The following FERMT2 variants were observed in gnomAD, a reference collection of about 807,000 sequenced individuals.
The protein encoded by FERMT2 is fermitin family homolog 2.
FERMT2 carries 15 observed loss-of-function variants against 82.7 expected under a neutral mutation model. The ratio of observed to expected loss-of-function variants is 0.18; its 90% confidence interval spans 0.12 to 0.28. FERMT2 has a LOEUF of 0.28. Among genes scored for constraint, FERMT2 ranks in the 10% least tolerant of loss-of-function variants. The pLI is 1.00. For missense variants in FERMT2, 645 were observed against 809.4 expected, an observed-to-expected ratio of 0.80 and a Z score of 2.46; for synonymous variants, 274 against 271.5, an observed-to-expected ratio of 1.01 and a Z score of -0.09.
intron 2 of FERMT2, among the ~76,000 whole-genome samples, chr14:52,932,613 T>A (rs1003887317): frequency 6.6e-6 from 1 of 151,950 alleles, no homozygotes; most frequent in Non-Finnish European, 1.5e-5. Context: ...TTAAGAAAAA[T>A]AATAACAATA....
chr14:52,894,071 G>A (rs748728683), intron 3 of FERMT2, among the ~76,000 whole-genome samples: 2 of 152,070 alleles, frequency 1.3e-5, no homozygotes, highest in Admixed American at 6.5e-5. Context: ...CAGGTGATCC[G>A]CCTGCCTCGG....
At chr14:52,879,522 C>T (rs923515778) in intron 6 of FERMT2, among the ~76,000 whole-genome samples, 6 of 152,042 alleles carry the variant, frequency 3.9e-5, no homozygotes, top group African/African-American at 1.4e-4. Context: ...TATTTTAGAA[C>T]GTTGACAAAA....
chr14:52,922,968 C>T (rs1423335659), intron 2 of FERMT2, among the ~76,000 whole-genome samples: 3 of 152,186 alleles, frequency 2.0e-5, no homozygotes, highest in Admixed American at 1.3e-4. Context: ...GCCTACTACA[C>T]ACCTAGGTTA....
chr14:52,918,982 T>G, intron 3 of FERMT2, 141 bp downstream of exon 3: 1 of 521,874 alleles, frequency 1.9e-6, no homozygotes, highest in Non-Finnish European at 3.4e-6. Context: ...ATAAAAACTT[T>G]AATGAAGTAG....
intron 3 of FERMT2, among the ~76,000 whole-genome samples, chr14:52,900,189 G>A (rs1449335618): frequency 3.3e-5 from 5 of 151,608 alleles, no homozygotes; most frequent in Admixed American, 6.6e-5. Flanking sequence ...ACAGGTCACA[G>A]CAGCCTCGAC....
intron 3 of FERMT2, among the ~76,000 whole-genome samples, chr14:52,911,162 T>C (rs1173064205): frequency 1.3e-5 from 2 of 152,226 alleles, no homozygotes; most frequent in Non-Finnish European, 2.9e-5. Flanking sequence ...CTCTACTCAA[T>C]ACTGCTGCTA....
At chr14:52,945,550 G>A (rs918046150) in intron 2 of FERMT2, among the ~76,000 whole-genome samples, 5 of 151,906 alleles carry the variant, frequency 3.3e-5, no homozygotes, top group African/African-American at 9.7e-5. Flanking sequence ...CACCACTCCC[G>A]GCCTAATCCT....
At chr14:52,946,108 C>A (rs1890342171) in intron 2 of FERMT2, among the ~76,000 whole-genome samples, 1 of 152,292 alleles carries the variant, frequency 6.6e-6, no homozygotes, top group East Asian at 1.9e-4. Flanking sequence ...AGCTCCTAAC[C>A]TTCTGATCTG....
At chr14:52,933,903 T>C (rs1014974566) in intron 2 of FERMT2, among the ~76,000 whole-genome samples, 1 of 152,106 alleles carries the variant, frequency 6.6e-6, no homozygotes, top group Admixed American at 6.5e-5. Flanking sequence ...AAGCTGGTGT[T>C]TCAGATCTCC....
At chr14:52,910,999 T>C (rs143642579) in intron 3 of FERMT2, among the ~76,000 whole-genome samples, 2,670 of 152,276 alleles carry the variant, frequency 0.018, 59 homozygotes, top group Non-Finnish European at 0.021. Context: ...GAAAAAACCC[T>C]AATTATTCCT....
chr14:52,906,382 T>C (rs1301820567), intron 3 of FERMT2, among the ~76,000 whole-genome samples: 2 of 152,178 alleles, frequency 1.3e-5, no homozygotes, highest in East Asian at 3.8e-4. Flanking sequence ...GCTAAATTAG[T>C]GCTAAGGCTA....
chr14:52,879,605 T>C (rs1258425623), intron 6 of FERMT2, among the ~76,000 whole-genome samples: 1 of 152,158 alleles, frequency 6.6e-6, no homozygotes, highest in Admixed American at 6.6e-5. Flanking sequence ...AGGTATGATG[T>C]GGCCTGAAAA....
At chr14:52,884,201 G>A (rs922380530) in intron 4 of FERMT2, among the ~76,000 whole-genome samples, 4 of 152,152 alleles carry the variant, frequency 2.6e-5, no homozygotes, top group African/African-American at 4.8e-5. Context: ...CTCACTTAGC[G>A]TTCACAACAA....
intron 3 of FERMT2, among the ~76,000 whole-genome samples, chr14:52,910,140 C>CA (rs1484002419): frequency 6.6e-6 from 1 of 152,150 alleles, no homozygotes; most frequent in African/African-American, 2.4e-5. Context: ...TCCTTATGTA[C>CA]AGCTTAATTT....
chr14:52,914,415 A>G (rs1174503635), intron 3 of FERMT2, among the ~76,000 whole-genome samples: 2 of 104,390 alleles, frequency 1.9e-5, no homozygotes, highest in Non-Finnish European at 4.4e-5. Flanking sequence ...TCCCCCCAAA[A>G]CAACAACAAA....
chr14:52,926,604 G>C (rs1889289640), intron 2 of FERMT2, among the ~76,000 whole-genome samples: 1 of 152,034 alleles, frequency 6.6e-6, no homozygotes, highest in Non-Finnish European at 1.5e-5. Flanking sequence ...TTATCCTCCA[G>C]GTACAGGCCA....
chr14:52,911,616 A>T (rs1182758684), intron 3 of FERMT2, among the ~76,000 whole-genome samples: 1 of 151,826 alleles, frequency 6.6e-6, no homozygotes, highest in Admixed American at 6.6e-5. Context: ...GCGCCACTGC[A>T]GTCCAACCTG....
chr14:52,907,900 C>T (rs939165513), intron 3 of FERMT2, among the ~76,000 whole-genome samples: 6 of 152,094 alleles, frequency 3.9e-5, no homozygotes, highest in African/African-American at 1.2e-4. Context: ...TTAGAAAACA[C>T]TGTTAATGAA....
intron 4 of FERMT2, among the ~76,000 whole-genome samples, chr14:52,890,635 G>C (rs1478018210): frequency 7.5e-6 from 1 of 133,674 alleles, no homozygotes; most frequent in Non-Finnish European, 1.6e-5. Flanking sequence ...ACAGAGTCTT[G>C]CTCTGTCGCC....
Sources: gnomAD v4.1 joint callset for allele counts (sites outside exome capture counted in the v4.1 genomes callset) on GRCh38, gnomAD v4.1.1 for gene constraint, MANE v1.5 for transcripts, NCBI Gene and HGNC (gene_info 2026-07-23, HGNC 2026-07-21) for gene names.